BRK1: variants seen among roughly 807,000 people sequenced by gnomAD.
The protein encoded by BRK1 is protein BRICK1.
Under a neutral mutation model 9.9 loss-of-function variants are expected in BRK1, and 6 were observed. The ratio of observed to expected loss-of-function variants is 0.60; its 90% CI spans 0.33 to 1.19. The LOEUF is 1.19. Among genes scored for constraint, BRK1 ranks in the 50% most tolerant of loss-of-function variants. The pLI is 0.04. For missense variants in BRK1, 62 were observed against 97.5 expected, an observed-to-expected ratio of 0.64 and a Z score of 1.53; for synonymous variants, 44 against 31.9, an observed-to-expected ratio of 1.38 and a Z score of -1.28.
intron 1 of BRK1, among the ~76,000 whole-genome samples, chr3:10,124,056 T>G (rs931750404): frequency 6.6e-6 from 1 of 151,704 alleles, no homozygotes; most frequent in Non-Finnish European, 1.5e-5. Flanking sequence ...CTGTTGAGAT[T>G]ATTTTCTTAT....
intron 1 of BRK1, among the ~76,000 whole-genome samples, chr3:10,120,465 G>T (rs1695741913): frequency 6.6e-6 from 1 of 152,178 alleles, no homozygotes; most frequent in African/African-American, 2.4e-5. Context: ...AAAGTGCTGG[G>T]ATTACAGGTG....
chr3:10,118,440 CA>C lies in BRK1; in HGVS notation c.118+2623del, dbSNP rs79083335. Among the ~76,000 whole-genome samples, 4 of 151,886 alleles carry C rather than the reference CA, an allele frequency of 2.6e-5. No homozygotes were observed. The East Asian group carries it at 5.8e-4, about 22-fold the overall frequency. On this transcript the variant is annotated intron_variant, in intron 1 of 2. Transcript: ENST00000530758. ...ATCCTAAGCCATTAGTAGGCTTGTA[CA>C]ATTGTCCCTTGAACAATACATGTTT...
intron 1 of BRK1, among the ~76,000 whole-genome samples, chr3:10,122,341 T>G (rs1695769397): frequency 6.6e-6 from 1 of 152,174 alleles, no homozygotes; most frequent in Non-Finnish European, 1.5e-5. Flanking sequence ...TGATGCACAT[T>G]CTTATTTGTA....
intron 2 of BRK1, 115 bp downstream of exon 2, chr3:10,125,823 G>A (rs1385161870): frequency 4.2e-6 from 3 of 716,276 alleles, no homozygotes; most frequent in African/African-American, 1.8e-5. Context: ...GGACATGGTG[G>A]CTCACGCCTG....
At chr3:10,121,086 A>G (rs1021861030) in intron 1 of BRK1, among the ~76,000 whole-genome samples, 1 of 152,176 alleles carries the variant, frequency 6.6e-6, no homozygotes, top group Admixed American at 6.6e-5. Context: ...AGACCTGGGA[A>G]TTCAAGCAGC....
At chr3:10,123,857 T>G (rs1695799344) in intron 1 of BRK1, among the ~76,000 whole-genome samples, 1 of 144,580 alleles carries the variant, frequency 6.9e-6, no homozygotes, top group South Asian at 2.3e-4. Context: ...TGCCTCAGCC[T>G]CCCGAGTAGC....
rs68121641 is a variant in BRK1 at position 10,124,161 on chromosome 3, T to A, written c.119-1465T>A. Among the ~76,000 whole-genome samples, 24,826 of 151,902 alleles carry A rather than the reference T, an allele frequency of 0.16. 2,570 individuals carry two copies. Among genetic ancestry groups the A allele is most frequent in the African/African-American group, 0.29 (12,048 of 41,400 alleles). Reference sequence around the variant, plus strand: ...TTCATTTGCTATTCCTGGCATAACATATTACCACACAGGCTGGGCACAGTG... The same window carrying A: ...TTCATTTGCTATTCCTGGCATAACAAATTACCACACAGGCTGGGCACAGTG... On this transcript the variant is annotated intron_variant, in intron 1 of 2. Transcript: ENST00000530758.
At chr3:10,119,016 T>TGTTG in intron 1 of BRK1, among the ~76,000 whole-genome samples, 1 of 152,044 alleles carries the variant, frequency 6.6e-6, no homozygotes, top group Non-Finnish European at 1.5e-5. Flanking sequence ...TTTGTTTGTT[T>TGTTG]TGTTTGTTTT....
At chr3:10,120,531 C>T (rs1029163045) in intron 1 of BRK1, among the ~76,000 whole-genome samples, 16 of 152,116 alleles carry the variant, frequency 1.1e-4, no homozygotes, top group Admixed American at 9.2e-4. Flanking sequence ...AAGTTATATG[C>T]ATTAAGTTCA....
chr3:10,126,135 G>C (rs889746742), intron 2 of BRK1, 134 bp from the exon 3 acceptor site: 1 of 622,568 alleles, frequency 1.6e-6, no homozygotes, highest in African/African-American at 1.9e-5. Context: ...GCCTGGATTT[G>C]AACCATGTTT....
intron 1 of BRK1, among the ~76,000 whole-genome samples, chr3:10,125,103 G>A (rs1239034685): frequency 6.6e-6 from 1 of 152,040 alleles, no homozygotes; most frequent in Admixed American, 6.6e-5. Flanking sequence ...CCAGGGATTA[G>A]AGAAAGGACT....
rs765228988 is a variant in BRK1, at chr3:10,115,678, G to C, written c.-24G>C. 1.9e-6 allele frequency: 3 copies of C among 1,596,290 alleles called. No homozygotes were observed. Among genetic ancestry groups the C allele is most frequent in the Non-Finnish European group, 8.6e-7 (1 of 1,164,060 alleles). ...CCTGTAGGGTCGGGGCGCCTGCGCA[G>C]TCGCTCTTCCTCAGGCGGCGGCCAT... On this transcript the variant is annotated 5_prime_UTR_variant, in exon 1 of 3. Coordinates refer to ENST00000530758, the MANE Select transcript of BRK1 (RefSeq NM_018462.5).
intron 1 of BRK1, among the ~76,000 whole-genome samples, chr3:10,118,812 G>T (rs528234690): frequency 6.6e-6 from 1 of 151,972 alleles, no homozygotes; most frequent in Non-Finnish European, 1.5e-5. Flanking sequence ...TGCGATAAAA[G>T]TTATACAGTA....
chr3:10,125,136 T>C (rs114617067), intron 1 of BRK1, among the ~76,000 whole-genome samples: 1,721 of 152,252 alleles, frequency 0.011, 42 homozygotes, highest in African/African-American at 0.039. Flanking sequence ...AGAGTTTTGC[T>C]GTTTGACCCA....
chr3:10,122,555 A>AC (rs1490065989), intron 1 of BRK1, among the ~76,000 whole-genome samples: 6 of 151,912 alleles, frequency 3.9e-5, no homozygotes, highest in African/African-American at 1.2e-4. Context: ...AAAACAAAAA[A>AC]CAAAAAAATT....
intron 1 of BRK1, among the ~76,000 whole-genome samples, chr3:10,116,436 A>C (rs559338663): frequency 9.9e-5 from 15 of 152,146 alleles, no homozygotes; most frequent in South Asian, 2.1e-4. Flanking sequence ...AGCTTATGGT[A>C]GGTGTTCTGT....
At chr3:10,116,928 A>G (rs1013281573) in intron 1 of BRK1, among the ~76,000 whole-genome samples, 6 of 152,166 alleles carry the variant, frequency 3.9e-5, no homozygotes, top group African/African-American at 1.4e-4. Flanking sequence ...GTATTAAAGT[A>G]TTTTCATACA....
chr3:10,125,324 C>T (rs1490909170), intron 1 of BRK1, among the ~76,000 whole-genome samples: 1 of 151,998 alleles, frequency 6.6e-6, no homozygotes, highest in Admixed American at 6.6e-5. Context: ...AGGCTGGTCC[C>T]GAACTCTTGA....
At position 10,126,179 on chromosome 3, in the gene BRK1, T is replaced by C. The variant is rs1695837624; in HGVS notation, c.202-90T>C. 3.5e-6 allele frequency: 3 copies of C among 857,944 alleles called. No individual in the cohort carries two copies. In the South Asian group the frequency reaches 6.7e-5, roughly 19 times the overall value. 53.1% of individuals were successfully genotyped at this position (857,944 alleles called of 1,614,324 possible). A position where few individuals can be genotyped will look rare whatever the true frequency, so the allele number is the denominator to read the frequency against. On this transcript the variant is annotated intron_variant, in intron 2 of 2. Transcript: ENST00000530758. ...TCACAGCTATCTTCTTTTCTGCTAT[T>C]TCTCACTGCCTAGGATCTAAAGATT...
Sources: allele counts gnomAD v4.1 joint callset (sites outside exome capture counted in the v4.1 genomes callset), GRCh38; gene constraint gnomAD v4.1.1; transcripts MANE v1.5; gene names NCBI Gene and HGNC (gene_info 2026-07-23, HGNC 2026-07-21).